The following FAM227A variants were observed in gnomAD, a reference collection of about 807,000 sequenced individuals.
FAM227A encodes family with sequence similarity 227 member A, also known as protein FAM227A.
Under a neutral mutation model 74.7 loss-of-function variants are expected in FAM227A, and 80 were observed. The observed-to-expected ratio is 1.07, with a 90% CI of 0.89 to 1.29. The LOEUF (loss-of-function observed/expected upper bound fraction) is 1.29, where lower values mean the gene tolerates loss of function less well. FAM227A is among the 50% of genes most tolerant of loss of function. The pLI is 0.00. For synonymous variants in FAM227A, 237 were observed against 241.8 expected (o/e 0.98, Z 0.19); for missense variants, 654 against 683.4 (o/e 0.96, Z 0.48).
intron 13 of FAM227A, among the ~76,000 whole-genome samples, chr22:38,602,797 A>G (rs2091204084): frequency 6.6e-6 from 1 of 152,136 alleles, no homozygotes; most frequent in Admixed American, 6.5e-5. Context: ...CTTTCCTAAC[A>G]GCCCCTGACT....
At chr22:38,607,570 T>C in intron 11 of FAM227A, 94 bp from the exon 12 acceptor site, 2 of 845,564 alleles carry the variant, frequency 2.4e-6, no homozygotes, top group Non-Finnish European at 1.9e-6. Flanking sequence ...AAGTAATACA[T>C]GCAATTTCTT....
intron 1 of FAM227A, among the ~76,000 whole-genome samples, chr22:38,654,901 T>C (rs1240825275): frequency 6.6e-6 from 1 of 150,474 alleles, no homozygotes; most frequent in Non-Finnish European, 1.5e-5. Context: ...TGAGCTGAGA[T>C]TGTACCACTG....
intron 14 of FAM227A, 53 bp downstream of exon 14, chr22:38,599,711 G>C (rs971058017): frequency 6.8e-7 from 1 of 1,481,158 alleles, no homozygotes; most frequent in Non-Finnish European, 9.0e-7. Flanking sequence ...CTTCTGGGAA[G>C]AGGACGCGGG....
At position 38,628,271 on chromosome 22, in the gene FAM227A, T is replaced by C. The variant is rs1481850428; in HGVS notation, c.693A>G (p.Val231=). The change falls in exon 8 of 17, where the codon GTA becomes GTG. Residue 231 remains valine, a synonymous_variant. Coordinates refer to ENST00000535113, the MANE Select transcript of FAM227A (RefSeq NM_001013647.2). ...GCGCCTCTTCAGAGTGGGACTTGGGTACACGAAACAAAAGTAAGGCATAGT... is the reference window on the plus strand; with the variant it reads ...GCGCCTCTTCAGAGTGGGACTTGGGCACACGAAACAAAAGTAAGGCATAGT... ...AQHYALLLFR[V]PKSHSEEALL... The C allele has an allele frequency of 3.2e-6, 5 of 1,551,422 alleles. No individual in the cohort carries two copies. The East Asian group carries it at 1.2e-4, about 38-fold the overall frequency.
intron 3 of FAM227A, among the ~76,000 whole-genome samples, chr22:38,642,330 G>T (rs1486739722): frequency 6.6e-6 from 1 of 152,162 alleles, no homozygotes; most frequent in Non-Finnish European, 1.5e-5. Context: ...TGGAGGCTCA[G>T]TGTAGACACC....
In FAM227A at chr22:38,636,160, T is replaced by C. The variant is rs143236271; in HGVS notation, c.519+291A>G. Reference sequence around the variant, plus strand: ...AGCATACTCATATGCATTGTAGTGATTGGCAACAGAATAAGTATATAATTT... The same window carrying C: ...AGCATACTCATATGCATTGTAGTGACTGGCAACAGAATAAGTATATAATTT... On this transcript the variant is annotated intron_variant, in intron 6 of 16. Transcript: ENST00000535113. Among the ~76,000 whole-genome samples the C allele has an allele frequency of 8.5e-4, 130 of 152,218 alleles. 1 individual carries two copies. The East Asian group carries it at 0.023, about 27-fold the overall frequency.
intron 11 of FAM227A, among the ~76,000 whole-genome samples, chr22:38,619,794 G>A (rs1281219241): frequency 6.6e-6 from 1 of 152,184 alleles, no homozygotes; most frequent in Non-Finnish European, 1.5e-5. Flanking sequence ...GGTGGTGGGA[G>A]TGGAAAAGTG....
chr22:38,613,406 T>TATATA (rs562083101), intron 11 of FAM227A, among the ~76,000 whole-genome samples: 1,032 of 16,558 alleles, frequency 0.062, 218 homozygotes, highest in African/African-American at 0.12. Context: ...ATATTTATAA[T>TATATA]ATATATGATA....
chr22:38,620,189 C>T, intron 11 of FAM227A, 23 bp downstream of exon 11: 2 of 1,535,948 alleles, frequency 1.3e-6, no homozygotes, highest in Non-Finnish European at 1.8e-6. Context: ...CAAAGGGGTC[C>T]TGGTCCGTGC....
In FAM227A at chr22:38,656,153, G is replaced by T. The variant is rs139476776; in HGVS notation, c.-128C>A. 6.6e-6 allele frequency: 1 copy of T among 152,364 alleles called. No individual in the cohort carries two copies. The highest frequency in any genetic ancestry group is 1.5e-5 in the Non-Finnish European group (1 of 68,066). The allele number at this position is 152,364 out of a possible 1,614,324, so 9.4% of individuals were successfully genotyped here. Reference sequence around the variant, plus strand: ...ATCGGCGGAATTTGACGAACCCGGGGCCGGTCCCGCCACGGGTCCCTCAGG... The same window carrying T: ...ATCGGCGGAATTTGACGAACCCGGGTCCGGTCCCGCCACGGGTCCCTCAGG... On this transcript the variant is annotated 5_prime_UTR_variant, in exon 1 of 17. Transcript: ENST00000535113.
intron 3 of FAM227A, among the ~76,000 whole-genome samples, chr22:38,642,123 TA>T (rs1368731037): frequency 3.3e-5 from 5 of 152,176 alleles, no homozygotes; most frequent in Admixed American, 3.3e-4. Flanking sequence ...CAATAATAAG[TA>T]AAGCTGAATA....
chr22:38,627,851 G>A (rs891430260), intron 8 of FAM227A, among the ~76,000 whole-genome samples: 6 of 152,034 alleles, frequency 3.9e-5, no homozygotes, highest in Admixed American at 6.6e-5. Flanking sequence ...TGATCCGCCC[G>A]CCTTGGCCTC....
intron 2 of FAM227A, among the ~76,000 whole-genome samples, chr22:38,646,486 T>A (rs2092242660): frequency 6.6e-6 from 1 of 151,158 alleles, no homozygotes; most frequent in Non-Finnish European, 1.5e-5. Context: ...ATGGTCTCGA[T>A]CTCCTGACCT....
At chr22:38,640,039 C>A (rs552276107) in intron 3 of FAM227A, among the ~76,000 whole-genome samples, 4 of 145,602 alleles carry the variant, frequency 2.7e-5, no homozygotes, top group Non-Finnish European at 4.6e-5. Context: ...TTCCAGGGTT[C>A]TTTTTTTTTT....
In FAM227A at chr22:38,603,497, A is replaced by AC. The variant is rs1207476121; in HGVS notation, c.1221+1756_1221+1757insG. On this transcript the variant is annotated intron_variant, in intron 13 of 16. Coordinates refer to ENST00000535113, the MANE Select transcript of FAM227A (RefSeq NM_001013647.2). ...AGTGAGACTCCGTCTCAAAAAAAAA[A>AC]AAAAAAATTATTTGCATTCCTGTGG... Among the ~76,000 whole-genome samples the AC allele has an allele frequency of 5.9e-5, 9 of 151,974 alleles. No individual in the cohort carries two copies. The East Asian group carries it at 1.7e-3, about 30-fold the overall frequency.
chr22:38,628,483 A>T, intron 7 of FAM227A, 141 bp from the exon 8 acceptor site: 1 of 653,236 alleles, frequency 1.5e-6, no homozygotes, highest in South Asian at 1.9e-5. Context: ...TTTATGAAAT[A>T]ATGTGTTCAT....
At chr22:38,648,024 AGCT>A (rs2145730612) in intron 2 of FAM227A, among the ~76,000 whole-genome samples, 1 of 152,230 alleles carries the variant, frequency 6.6e-6, no homozygotes, top group Admixed American at 6.5e-5. Context: ...CATGCAGCTG[AGCT>A]GGCAGGATGG....
chr22:38,620,867 C>T lies in FAM227A; in HGVS notation c.959-576G>A, dbSNP rs569531258. 8.1e-4 allele frequency among the ~76,000 whole-genome samples: 123 copies of T among 151,616 alleles called. 2 individuals are homozygous for T. The highest frequency in any genetic ancestry group is 8.5e-4 in the Admixed American group (13 of 15,260). On this transcript the variant is annotated intron_variant, in intron 10 of 16. Coordinates refer to ENST00000535113, the MANE Select transcript of FAM227A (RefSeq NM_001013647.2). ...CTGTGCATAGGGCAGACACTCAACCCACAGGAAAAAAAGGACTGGTTTCAG... is the reference window on the plus strand; with the variant it reads ...CTGTGCATAGGGCAGACACTCAACCTACAGGAAAAAAAGGACTGGTTTCAG...
At chr22:38,597,802 G>C (rs2091080461) in intron 14 of FAM227A, among the ~76,000 whole-genome samples, 1 of 152,088 alleles carries the variant, frequency 6.6e-6, no homozygotes, top group South Asian at 2.1e-4. Context: ...CCAGCACTTT[G>C]GGAGGCCAAG....
Sources: gnomAD v4.1 joint callset for allele counts (sites outside exome capture counted in the v4.1 genomes callset) on GRCh38, gnomAD v4.1.1 for gene constraint, MANE v1.5 for transcripts, NCBI Gene and HGNC (gene_info 2026-07-23, HGNC 2026-07-21) for gene names.